The following TSPEAR variants were observed in gnomAD, a reference collection of about 807,000 sequenced individuals.
TSPEAR encodes thrombospondin-type laminin G domain and EAR repeat-containing protein.
Under a neutral mutation model 71.6 loss-of-function variants are expected in TSPEAR, and 69 were observed. The ratio of observed to expected loss-of-function variants is 0.96; its 90% CI spans 0.79 to 1.18. The LOEUF (loss-of-function observed/expected upper bound fraction) is 1.18. Among genes scored for constraint, TSPEAR ranks in the 50% most tolerant of loss-of-function variants. The probability of loss-of-function intolerance (pLI) is 0.00; values close to 1 mark genes in which losing one functional copy is unlikely to be tolerated. For synonymous variants in TSPEAR, 402 were observed against 387.2 expected (o/e 1.04, Z -0.45); for missense variants, 971 against 894.9 (o/e 1.09, Z -1.09).
At chr21:44,588,670 T>TA (rs1979503903) in intron 1 of TSPEAR, among the ~76,000 whole-genome samples, 1 of 68,650 alleles carries the variant, frequency 1.5e-5, no homozygotes, top group African/African-American at 5.1e-5. Flanking sequence ...CTTTTATATA[T>TA]ATAATATATA....
chr21:44,617,308 A>G (rs1033859523), intron 1 of TSPEAR, among the ~76,000 whole-genome samples: 1 of 152,244 alleles, frequency 6.6e-6, no homozygotes, highest in Non-Finnish European at 1.5e-5. Flanking sequence ...CCTCCTGTGC[A>G]CGCTCACAGA....
rs782377531 is a variant in TSPEAR, at chr21:44,527,534, T to G, written c.923-16A>C. On this transcript the variant is annotated splice_polypyrimidine_tract_variant and intron_variant, in intron 6 of 11. Transcript: ENST00000323084. ...CTTTCTTTGGCTTGTGATAGAAACG[T>G]TGTGACTCGGTTAAGATTTCCGAGA... The G allele has an allele frequency of 6.2e-7, 1 of 1,611,808 alleles. No individual in the cohort carries two copies. Among genetic ancestry groups the G allele is most frequent in the Non-Finnish European group, 8.5e-7 (1 of 1,178,034 alleles).
At chr21:44,573,203 T>C (rs1569193479) in intron 1 of TSPEAR, among the ~76,000 whole-genome samples, 1 of 151,704 alleles carries the variant, frequency 6.6e-6, no homozygotes, top group Admixed American at 6.6e-5. Context: ...CAAACAAACC[T>C]CTCTCCCTAA....
chr21:44,529,937 C>T lies in TSPEAR; in HGVS notation c.651G>A (p.Leu217=). The change falls in exon 5 of 12, where the codon CTG becomes CTA. Residue 217 remains leucine, a synonymous_variant. Transcript: ENST00000323084. ...TGGCGTCTGAGCCCGGCAGCAGGAC[C>T]AGTTGCCTCACCAGTCCCTGCAGAG... is the stretch of plus-strand genomic sequence containing the variant. ...KGLFMGLVRQ[L]VLLPGSDATP... 6.2e-7 allele frequency: 1 copy of T among 1,603,526 alleles called. No homozygotes were observed. Among genetic ancestry groups the T allele is most frequent in the Non-Finnish European group, 8.5e-7 (1 of 1,177,394 alleles).
rs782054932 is a variant in TSPEAR, at chr21:44,540,201, G to T, written c.304-6278C>A. ...CGGGAGGTGTGAGTGAGTGAGTGTG[G>T]GAGTCAGTGTGTGTGTGAGTGACTG... On this transcript the variant is annotated intron_variant, in intron 2 of 11. Coordinates refer to ENST00000323084, the MANE Select transcript of TSPEAR (RefSeq NM_144991.3). The T allele has an allele frequency of 1.9e-6, 3 of 1,590,836 alleles. 1 individual carries two copies. The highest frequency in any genetic ancestry group is 2.6e-6 in the Non-Finnish European group (3 of 1,168,736).
At chr21:44,502,606 G>A (rs2052054800) in intron 11 of TSPEAR, among the ~76,000 whole-genome samples, 5 of 152,250 alleles carry the variant, frequency 3.3e-5, no homozygotes, top group South Asian at 2.1e-4. Context: ...ATGTCCACAC[G>A]CCGCATCCCT....
rs782712185 is a variant in TSPEAR, at chr21:44,711,457, T to TGCCGTG, written c.52_57dup (p.His18_Gly19dup). On this transcript the variant is annotated inframe_insertion, in exon 1 of 12. Transcript: ENST00000323084. The surrounding 1 kb of genome is among the most constrained non-coding windows in gnomAD (Gnocchi z 4.5). ...CCTGTGCAGGGCTCCCAACCCTGCGTGCCGTGGCCGGGGGCCGCCAGGGGC... is the reference window on the plus strand; with the variant it reads ...CCTGTGCAGGGCTCCCAACCCTGCGTGCCGTGGCCGTGGCCGGGGGCCGCCAGGGGC... 6.2e-7 allele frequency: 1 copy of TGCCGTG among 1,610,364 alleles called. No individual in the cohort carries two copies. The highest frequency in any genetic ancestry group is 1.3e-5 in the African/African-American group (1 of 74,908).
chr21:44,590,277 G>A (rs587767619), intron 1 of TSPEAR, among the ~76,000 whole-genome samples: 16 of 152,380 alleles, frequency 1.1e-4, no homozygotes, highest in African/African-American at 2.4e-4. Context: ...CGCCCAACGC[G>A]GTATCGTGGA....
chr21:44,560,745 C>T (rs1353352293), intron 2 of TSPEAR, among the ~76,000 whole-genome samples: 4 of 152,064 alleles, frequency 2.6e-5, no homozygotes, highest in South Asian at 2.1e-4. Context: ...GGGTAAGTAA[C>T]GAAATTAAGG....
chr21:44,639,676 C>G (rs1220101122), intron 1 of TSPEAR, among the ~76,000 whole-genome samples: 2 of 152,216 alleles, frequency 1.3e-5, no homozygotes, highest in African/African-American at 4.8e-5. Flanking sequence ...CGGGGCCATC[C>G]TCGGGAGGGG....
intron 1 of TSPEAR, chr21:44,658,173 A>G (rs1985272917): frequency 6.2e-7 from 1 of 1,613,800 alleles, no homozygotes; most frequent in African/African-American, 1.3e-5. Flanking sequence ...CCCATCATAT[A>G]TGTGACTCCC....
chr21:44,500,320 C>T (rs958613071), intron 11 of TSPEAR, among the ~76,000 whole-genome samples: 3 of 152,220 alleles, frequency 2.0e-5, no homozygotes, highest in Non-Finnish European at 2.9e-5. Flanking sequence ...GGAACCCCTC[C>T]GTCCTCAGAT....
intron 1 of TSPEAR, chr21:44,591,315 G>C: frequency 6.5e-7 from 1 of 1,537,742 alleles, no homozygotes; most frequent in Non-Finnish European, 8.8e-7. Context: ...AAGCCAGAGA[G>C]GGCAGAGCTT....
chr21:44,680,314 G>A (rs1446781817), intron 1 of TSPEAR, among the ~76,000 whole-genome samples: 2 of 151,980 alleles, frequency 1.3e-5, no homozygotes, highest in Admixed American at 1.3e-4. Context: ...AATCATCAGG[G>A]AACTTCAGAT....
chr21:44,512,620 AG>A (rs1378112376), intron 9 of TSPEAR, among the ~76,000 whole-genome samples: 4 of 152,150 alleles, frequency 2.6e-5, no homozygotes, highest in Admixed American at 6.5e-5. Context: ...GGAATGCGCG[AG>A]ACGGGCAGTC....
At chr21:44,536,530 TAGAA>T (rs1229922081) in intron 2 of TSPEAR, among the ~76,000 whole-genome samples, 1 of 152,188 alleles carries the variant, frequency 6.6e-6, no homozygotes, top group Non-Finnish European at 1.5e-5. Flanking sequence ...AAAAAGGAAA[TAGAA>T]AGACTTGGTT....
At chr21:44,544,460 G>A (rs2053269348) in intron 2 of TSPEAR, among the ~76,000 whole-genome samples, 1 of 152,064 alleles carries the variant, frequency 6.6e-6, no homozygotes, top group Non-Finnish European at 1.5e-5. Flanking sequence ...TCCAAGAAAA[G>A]GAAAAGTCCC....
chr21:44,669,948 A>T (rs1369967170), intron 1 of TSPEAR, among the ~76,000 whole-genome samples: 1 of 152,220 alleles, frequency 6.6e-6, no homozygotes, highest in Non-Finnish European at 1.5e-5. Flanking sequence ...AACCCCAGGA[A>T]GGAGGCACGC....
intron 1 of TSPEAR, among the ~76,000 whole-genome samples, chr21:44,597,245 G>A (rs1483377925): frequency 2.0e-5 from 3 of 151,868 alleles, no homozygotes; most frequent in African/African-American, 7.3e-5. Context: ...ATTTAGAATT[G>A]TTACATCTTC....
Sources: allele counts gnomAD v4.1 joint callset (sites outside exome capture counted in the v4.1 genomes callset), GRCh38; gene constraint gnomAD v4.1.1; non-coding constraint Gnocchi (gnomAD v3.1); transcripts MANE v1.5; gene names NCBI Gene and HGNC (gene_info 2026-07-23, HGNC 2026-07-21).